ITGB7: variants seen among roughly 807,000 people sequenced by gnomAD.
The protein encoded by ITGB7 is integrin beta-7.
ITGB7 carries 55 observed loss-of-function variants against 83.4 expected under a neutral mutation model. That is an observed-to-expected ratio of 0.66 (90% CI 0.53 to 0.83). The LOEUF (loss-of-function observed/expected upper bound fraction) is 0.83, where lower values mean the gene tolerates loss of function less well. Ranked by LOEUF, ITGB7 falls within the 40% of genes least tolerant of loss-of-function variation. The probability of loss-of-function intolerance (pLI) is 0.00; values close to 1 mark genes in which losing one functional copy is unlikely to be tolerated. For missense variants in ITGB7, 921 were observed against 1,046.7 expected (o/e 0.88, Z 1.66); for synonymous variants, 454 against 423.6 (o/e 1.07, Z -0.88).
At chr12:53,201,463 G>C (rs7973454) in intron 1 of ITGB7, among the ~76,000 whole-genome samples, 9,153 of 152,172 alleles carry the variant, frequency 0.06, 673 homozygotes, top group African/African-American at 0.18. Context: ...TCTACTTTCT[G>C]TACTTTGCAC....
At chr12:53,204,056 A>C (rs1942379435) in intron 1 of ITGB7, among the ~76,000 whole-genome samples, 1 of 152,184 alleles carries the variant, frequency 6.6e-6, no homozygotes, top group South Asian at 2.1e-4. Context: ...TGGTATATCC[A>C]TACAGCAGAA....
intron 2 of ITGB7, 53 bp from the exon 3 acceptor site, chr12:53,200,499 C>G: frequency 6.9e-7 from 1 of 1,456,820 alleles, no homozygotes; most frequent in Non-Finnish European, 9.6e-7. Context: ...GACTCTCAAA[C>G]TCTCAGTCCT....
rs1398498116 is a variant in ITGB7, at chr12:53,192,814, G to C, written c.1823C>G (p.Pro608Arg). ...ATGCCCACTGCAGAGCCCTCCCTCG[G>C]GACTGATGCAACTGTCCATGTCCCC... ...CSGDMDSCIS[P>R]EGGLCSGHGR... Residue 608 changes from proline (P) to arginine (R), a missense_variant, in exon 13 of 16, where the codon CCC becomes CGC. Physicochemically the swap from Pro to Arg is moderately radical, Grantham distance 103. Transcript: ENST00000267082. The C allele has an allele frequency of 1.9e-6, 3 of 1,614,044 alleles. No individual in the cohort carries two copies. The highest frequency in any genetic ancestry group is 2.7e-5 in the African/African-American group (2 of 74,914).
Position 53,191,546 on chromosome 12 carries a change from C to T in ITGB7, c.*10G>A, listed in dbSNP as rs1941943546. ...AGGAGAAGAGCCTTGGGTAAGTGTCCCTCCCTCCTTCAGAGAGTGGGACTG... is the reference window on the plus strand; with the variant it reads ...AGGAGAAGAGCCTTGGGTAAGTGTCTCTCCCTCCTTCAGAGAGTGGGACTG... On this transcript the variant is annotated 3_prime_UTR_variant, in exon 16 of 16. Transcript: ENST00000267082. 6.2e-7 allele frequency: 1 copy of T among 1,602,962 alleles called. No homozygotes were observed. The highest frequency in any genetic ancestry group is 1.3e-5 in the African/African-American group (1 of 74,678).
Position 53,197,950 on chromosome 12 carries a change from T to G in ITGB7, c.203A>C (p.Asn68Thr). 6.5e-7 allele frequency: 1 copy of G among 1,538,818 alleles called. No homozygotes were observed. Among genetic ancestry groups the G allele is most frequent in the Non-Finnish European group, 8.7e-7 (1 of 1,149,784 alleles). The change falls in exon 4 of 16, where the codon AAC becomes ACC. Residue 68 changes from asparagine (N) to threonine (T), a missense_variant and splice_region_variant. Coordinates refer to ENST00000267082, the MANE Select transcript of ITGB7 (RefSeq NM_000889.3). Reference sequence around the variant, plus strand: ...CTCCGCCTCTCCCGACGCGGTGAAGTTCTGCTCAGCAAGAAAAGGCGCGTC... The same window carrying G: ...CTCCGCCTCTCCCGACGCGGTGAAGGTCTGCTCAGCAAGAAAAGGCGCGTC... ...HPSCAWCKQL[N>T]FTASGEAEAR...
chr12:53,193,621 G>A (rs3817537), intron 11 of ITGB7, 87 bp downstream of exon 11: 14 of 1,192,846 alleles, frequency 1.2e-5, no homozygotes, highest in Non-Finnish European at 1.6e-5. Flanking sequence ...GACTCCTGTG[G>A]GGGGGATGGA....
At chr12:53,204,373 T>A in intron 1 of ITGB7, among the ~76,000 whole-genome samples, 1 of 140,096 alleles carries the variant, frequency 7.1e-6, no homozygotes. Flanking sequence ...AGAGCAAAAC[T>A]CGGTCTCAAA....
At chr12:53,202,758 C>G (rs1942349171) in intron 1 of ITGB7, among the ~76,000 whole-genome samples, 1 of 152,048 alleles carries the variant, frequency 6.6e-6, no homozygotes, top group Admixed American at 6.5e-5. Flanking sequence ...GTCAGGAGTT[C>G]AAGACCAGCC....
At position 53,197,498 on chromosome 12, in the gene ITGB7, C is replaced by T. The variant is rs753242237; in HGVS notation, c.569G>A (p.Arg190His). ...GGAGGCAGCGCTCGGCTCACCAATG[C>T]GCACAGAATGGGTGACTTCCTGCAG... ...VRLQEVTHSVRIGFGSFVDKT... is the reference protein window; with the variant it reads ...VRLQEVTHSVHIGFGSFVDKT... The change falls in exon 5 of 16, where the codon CGC (arginine) becomes CAC (histidine). Residue 190 changes from arginine (R) to histidine (H), a missense_variant. Arg to His is a conservative substitution (Grantham distance 29, BLOSUM62 0). Coordinates refer to ENST00000267082, the MANE Select transcript of ITGB7 (RefSeq NM_000889.3). The T allele has an allele frequency of 1.1e-5, 17 of 1,614,150 alleles. No homozygotes were observed. The South Asian group carries it at 1.6e-4, about 16-fold the overall frequency.
intron 1 of ITGB7, among the ~76,000 whole-genome samples, chr12:53,205,276 G>A (rs1339500209): frequency 6.6e-6 from 1 of 152,022 alleles, no homozygotes; most frequent in Non-Finnish European, 1.5e-5. Flanking sequence ...CCTTGACCTT[G>A]CCGGCTCAAT....
At chr12:53,201,344 A>T (rs1942317689) in intron 1 of ITGB7, 150 bp from the exon 2 acceptor site, 1 of 152,220 alleles carries the variant, frequency 6.6e-6, no homozygotes, top group Non-Finnish European at 1.5e-5. Flanking sequence ...GTCAAGGAAG[A>T]ATAGTTCTGC....
At chr12:53,204,256 T>G (rs1207689917) in intron 1 of ITGB7, among the ~76,000 whole-genome samples, 2 of 152,030 alleles carry the variant, frequency 1.3e-5, no homozygotes, top group African/African-American at 4.8e-5. Context: ...GGTGGTCTCC[T>G]GTAACCCTAG....
chr12:53,191,333 G>T lies in ITGB7; in HGVS notation c.*223C>A. On this transcript the variant is annotated 3_prime_UTR_variant, in exon 16 of 16. Coordinates refer to ENST00000267082, the MANE Select transcript of ITGB7 (RefSeq NM_000889.3). ...AAGTGACAGCTGTGGTCTGAGGTAA[G>T]ACTTTATTGTATACTTGGGTGGGGT... is the stretch of plus-strand genomic sequence containing the variant. The T allele has an allele frequency of 1.8e-6, 1 of 566,282 alleles. No individual in the cohort carries two copies. Among genetic ancestry groups the T allele is most frequent in the East Asian group, 3.0e-5 (1 of 32,790 alleles). 35.1% of individuals were successfully genotyped at this position (566,282 alleles called of 1,614,324 possible).
At chr12:53,199,567 G>T (rs770182817) in intron 3 of ITGB7, among the ~76,000 whole-genome samples, 1 of 127,536 alleles carries the variant, frequency 7.8e-6, no homozygotes, top group Non-Finnish European at 1.6e-5. Context: ...TCCATGTGAT[G>T]GTATTTGGAG....
intron 6 of ITGB7, 36 bp downstream of exon 6, chr12:53,196,543 G>T (rs771348088): frequency 5.0e-6 from 8 of 1,584,576 alleles, no homozygotes; most frequent in Non-Finnish European, 6.9e-6. Flanking sequence ...TTCCCAAACA[G>T]ACCTCCAGGC....
intron 9 of ITGB7, chr12:53,194,746 G>T (rs1401273432): frequency 5.4e-6 from 1 of 186,154 alleles, no homozygotes; most frequent in East Asian, 1.3e-4. Flanking sequence ...TCTTGCCATA[G>T]GTTTAGGAGA....
chr12:53,196,937 TA>T, intron 5 of ITGB7, 117 bp from the exon 6 acceptor site: 1 of 1,168,140 alleles, frequency 8.6e-7, no homozygotes, highest in Non-Finnish European at 1.2e-6. Context: ...AGGGTGCACC[TA>T]GGGGGCAGGG....
intron 1 of ITGB7, among the ~76,000 whole-genome samples, chr12:53,203,276 T>C (rs925965686): frequency 2.0e-5 from 3 of 152,154 alleles, no homozygotes; most frequent in Non-Finnish European, 4.4e-5. Context: ...AAGACATTTC[T>C]TCAAAGAAGA....
Position 53,196,687 on chromosome 12 carries a change from C to G in ITGB7, c.708G>C (p.Thr236=). 1 of 1,611,988 alleles carries G rather than the reference C, an allele frequency of 6.2e-7. No individual in the cohort carries two copies. Among genetic ancestry groups the G allele is most frequent in the Non-Finnish European group, 8.5e-7 (1 of 1,178,962 alleles). ...CCCGCTCGAAGGCTTGTGCGTCCCCCGTCAGGGACAGCACATGGTGAAAGC... is the reference window on the plus strand; with the variant it reads ...CCCGCTCGAAGGCTTGTGCGTCCCCGGTCAGGGACAGCACATGGTGAAAGC... ...PFSFHHVLSL[T]GDAQAFEREV... is the part of the protein sequence containing the mutation. The change falls in exon 6 of 16, where the codon ACG becomes ACC. Residue 236 remains threonine, a synonymous_variant. Transcript: ENST00000267082.
Sources: allele counts gnomAD v4.1 joint callset (sites outside exome capture counted in the v4.1 genomes callset), GRCh38; gene constraint gnomAD v4.1.1; transcripts MANE v1.5; gene names NCBI Gene and HGNC (gene_info 2026-07-23, HGNC 2026-07-21).